FBRS: variants seen among roughly 807,000 people sequenced by gnomAD.
FBRS encodes probable fibrosin-1.
In FBRS, 15 loss-of-function variants were observed where a neutral mutation model predicts 86.1. The ratio of observed to expected loss-of-function variants is 0.17; its 90% CI spans 0.12 to 0.27. FBRS has a LOEUF of 0.27. Ranked by LOEUF, FBRS falls within the 10% of genes least tolerant of loss-of-function variation. FBRS has a pLI of 1.00. For missense variants in FBRS, 1,367 were observed against 1,301.6 expected (o/e 1.05, Z -0.77); for synonymous variants, 666 against 575.8 (o/e 1.16, Z -2.24).
rs1403489036 is a variant in FBRS at position 30,659,281 on chromosome 16, CG to C, written c.-237del. The C allele has an allele frequency of 1.1e-5, 2 of 176,266 alleles. No homozygotes were observed. Among genetic ancestry groups the C allele is most frequent in the Non-Finnish European group, 2.4e-5 (2 of 84,434 alleles). 10.9% of individuals were successfully genotyped at this position (176,266 alleles called of 1,614,324 possible). On this transcript the variant is annotated 5_prime_UTR_variant, in exon 1 of 18. Transcript: ENST00000356166. ...AAAGGGACGGCCGCCCCGTTTTCGC[CG>C]TCGCGGCCCCGCCGAGCCCGCAGGG...
chr16:30,668,647 A>G lies in FBRS; in HGVS notation c.2158+4A>G. The G allele has an allele frequency of 7.1e-7, 1 of 1,410,654 alleles. No homozygotes were observed. The highest frequency in any genetic ancestry group is 9.8e-7 in the Non-Finnish European group (1 of 1,020,032). The allele number at this position is 1,410,654 out of a possible 1,614,324, so 87.4% of individuals were successfully genotyped here. ...GGCCTGGGCAGCCCCACATTCAGTG[A>G]GTGCGGGTGCGGTGGGGTGGGGGGG... On this transcript the variant is annotated splice_donor_region_variant and intron_variant, in intron 16 of 17. Coordinates refer to ENST00000356166, the MANE Select transcript of FBRS (RefSeq NM_001105079.3).
rs1023349133 is a variant in FBRS, at chr16:30,660,095, G to A, written c.459+118G>A. On this transcript the variant is annotated intron_variant, in intron 1 of 17. Transcript: ENST00000356166. ...GCTGGCACCCCAAACCAGAGCAACCGGCTCCTCTGGCCAGGCCTCTGCCCC... is the reference window on the plus strand; with the variant it reads ...GCTGGCACCCCAAACCAGAGCAACCAGCTCCTCTGGCCAGGCCTCTGCCCC... 1.3e-4 allele frequency: 186 copies of A among 1,447,642 alleles called. 1 individual carries two copies. The highest frequency in any genetic ancestry group is 3.3e-4 in the Admixed American group (12 of 36,792). The allele number at this position is 1,447,642 out of a possible 1,614,324, so 89.7% of individuals were successfully genotyped here. A position where few individuals can be genotyped will look rare whatever the true frequency, so the allele number is the denominator to read the frequency against.
Position 30,665,260 on chromosome 16 carries a change from G to A in FBRS, c.1609-46G>A, listed in dbSNP as rs935556174. 8.8e-5 allele frequency: 135 copies of A among 1,539,992 alleles called. No homozygotes were observed. The highest frequency in any genetic ancestry group is 1.2e-4 in the Non-Finnish European group (132 of 1,137,970). ...GGACTGACGGGCAGGCTGGACTTGG[G>A]CTGCGCCTCCACCCCCACCTGTACT... On this transcript the variant is annotated intron_variant, in intron 9 of 17. Transcript: ENST00000356166. The surrounding 1 kb of genome is among the most constrained non-coding windows in gnomAD (Gnocchi z 4.1).
Position 30,660,361 on chromosome 16 carries a change from AG to A in FBRS, c.562del (p.Asp188ThrfsTer103). On this transcript the variant is annotated frameshift_variant, in exon 2 of 18. Coordinates refer to ENST00000356166, the MANE Select transcript of FBRS (RefSeq NM_001105079.3). LOFTEE classifies it high-confidence loss of function. The stretch of plus-strand genomic sequence containing the variant: ...GCTCCAGTGGGGCCACCGGGGAGCC[AG>A]GGGACAGCTCTGATCGAGAGCCTGG... ...GGSSGATGEPGDSSDREPGRP... is the reference protein window; with the variant it reads ...GGSSGATGEPXDSSDREPGRP... The A allele has an allele frequency of 1.6e-6, 2 of 1,286,152 alleles. No individual in the cohort carries two copies. The highest frequency in any genetic ancestry group is 2.8e-5 in the South Asian group (1 of 36,016). The allele number at this position is 1,286,152 out of a possible 1,614,324, so 79.7% of individuals were successfully genotyped here.
chr16:30,667,701 C>G, intron 15 of FBRS, 79 bp downstream of exon 15: 1 of 1,306,940 alleles, frequency 7.7e-7, no homozygotes, highest in South Asian at 1.6e-5. Flanking sequence ...CAGCAGGCAG[C>G]TGGAATGCAG....
At chr16:30,666,213 T>G in intron 11 of FBRS, 1 of 569,186 alleles carries the variant, frequency 1.8e-6, no homozygotes. Flanking sequence ...AACAGACCGC[T>G]ATACTCTAAA....
Position 30,665,156 on chromosome 16 carries a change from TG to T in FBRS, c.1608+81del. 6.4e-7 allele frequency: 1 copy of T among 1,562,762 alleles called. No homozygotes were observed. ...CATCCATGCTTGTGACCCTGACTGC[TG>T]GGGTCCAGTCTTCAGCACAAAAGCA... On this transcript the variant is annotated intron_variant, in intron 9 of 17. Coordinates refer to ENST00000356166, the MANE Select transcript of FBRS (RefSeq NM_001105079.3). The surrounding 1 kb of genome is among the most constrained non-coding windows in gnomAD (Gnocchi z 4.1).
Position 30,665,137 on chromosome 16 carries a change from T to C in FBRS, c.1608+58T>C. Reference sequence around the variant, plus strand: ...TGTGGTGTGGGCGTGGATGCATCCATGCTTGTGACCCTGACTGCTGGGGTC... The same window carrying C: ...TGTGGTGTGGGCGTGGATGCATCCACGCTTGTGACCCTGACTGCTGGGGTC... On this transcript the variant is annotated intron_variant, in intron 9 of 17. Transcript: ENST00000356166. This position sits in a 1 kb window ranked among gnomAD's most constrained non-coding sequence, Gnocchi z 4.1. 1 of 1,585,296 alleles carries C rather than the reference T, an allele frequency of 6.3e-7. No individual in the cohort carries two copies. The highest frequency in any genetic ancestry group is 1.1e-5 in the South Asian group (1 of 87,880).
chr16:30,667,246 A>C, intron 13 of FBRS, 74 bp from the exon 14 acceptor site: 1 of 1,261,618 alleles, frequency 7.9e-7, no homozygotes, highest in South Asian at 1.4e-5. Context: ...TTGGAGGGGA[A>C]CCACGGGTGA....
Position 30,669,294 on chromosome 16 carries a change from G to C in FBRS, c.2592G>C (p.Pro864=), listed in dbSNP as rs772938020. ...ACCTGCTGTTTGAGAGGCCCCGGCCGCCCCCGTTTCTGGGCCCTAGCCCAC... is the reference window on the plus strand; with the variant it reads ...ACCTGCTGTTTGAGAGGCCCCGGCCCCCCCCGTTTCTGGGCCCTAGCCCAC... ...GLHLLFERPR[P]PPFLGPSPPD... The change falls in exon 18 of 18, where the codon CCG becomes CCC. Residue 864 remains proline, a synonymous_variant. Coordinates refer to ENST00000356166, the MANE Select transcript of FBRS (RefSeq NM_001105079.3). This position sits in a 1 kb window ranked among gnomAD's most constrained non-coding sequence, Gnocchi z 5.9. The C allele has an allele frequency of 1.2e-5, 19 of 1,590,448 alleles. No individual in the cohort carries two copies. The East Asian group carries it at 4.4e-4, about 37-fold the overall frequency.
intron 6 of FBRS, chr16:30,663,169 C>T (rs1048573862): frequency 1.7e-5 from 5 of 295,474 alleles, no homozygotes; most frequent in Non-Finnish European, 2.4e-5. Flanking sequence ...TGGTTAAGAG[C>T]GCTGGCTTTG....
Position 30,660,243 on chromosome 16 carries a change from C to T in FBRS, c.460-20C>T, listed in dbSNP as rs762823647. On this transcript the variant is annotated intron_variant, in intron 1 of 17. Coordinates refer to ENST00000356166, the MANE Select transcript of FBRS (RefSeq NM_001105079.3). ...GCTTGCCCTTTTCCATCTATCTCAG[C>T]CCCACCTCCTCCTCCACAGAAGGAT... The T allele has an allele frequency of 1.2e-5, 16 of 1,333,600 alleles. No homozygotes were observed. The African/African-American group carries it at 1.8e-4, about 15-fold the overall frequency. 82.6% of individuals were successfully genotyped at this position (1,333,600 alleles called of 1,614,324 possible). A position where few individuals can be genotyped will look rare whatever the true frequency, so the allele number is the denominator to read the frequency against.
chr16:30,668,693 C>A, intron 16 of FBRS, 50 bp downstream of exon 16: 1 of 1,586,408 alleles, frequency 6.3e-7, no homozygotes, highest in South Asian at 1.1e-5. Flanking sequence ...AGGGTGAGAG[C>A]TCAGACGGTC....
rs1022388142 is a variant in FBRS, at chr16:30,664,404, C to A, written c.1245C>A (p.Pro415=). The A allele has an allele frequency of 2.2e-6, 3 of 1,370,282 alleles. No homozygotes were observed. The highest frequency in any genetic ancestry group is 2.0e-6 in the Non-Finnish European group (2 of 1,019,218). 84.9% of individuals were successfully genotyped at this position (1,370,282 alleles called of 1,614,324 possible). A position where few individuals can be genotyped will look rare whatever the true frequency, so the allele number is the denominator to read the frequency against. ...HSFPPPGLRP[P]PPPHHPSLFS... ...TTCCCCCTCCCGGGCTGCGGCCCCCCCCACCACCCCACCACCCCTCCTTGT... is the reference window on the plus strand; with the variant it reads ...TTCCCCCTCCCGGGCTGCGGCCCCCACCACCACCCCACCACCCCTCCTTGT... Residue 415 remains proline, a synonymous_variant, in exon 7 of 18, where the codon CCC becomes CCA. Coordinates refer to ENST00000356166, the MANE Select transcript of FBRS (RefSeq NM_001105079.3).
chr16:30,667,243 G>A (rs2052533784), intron 13 of FBRS, 77 bp from the exon 14 acceptor site: 8 of 1,246,424 alleles, frequency 6.4e-6, no homozygotes, highest in Non-Finnish European at 8.9e-6. Flanking sequence ...CCTTTGGAGG[G>A]GAACCACGGG....
intron 15 of FBRS, 33 bp from the exon 16 acceptor site, chr16:30,668,527 C>T (rs368128243): frequency 1.3e-6 from 2 of 1,592,786 alleles, no homozygotes; most frequent in Non-Finnish European, 1.7e-6. Context: ...ACCGGCTGCC[C>T]AGTGCTCTGA....
rs902490268 is a variant in FBRS, at chr16:30,659,278, C to G, written c.-241C>G. 5.7e-6 allele frequency: 1 copy of G among 174,854 alleles called. No homozygotes were observed. The highest frequency in any genetic ancestry group is 2.4e-5 in the African/African-American group (1 of 41,948). The allele number at this position is 174,854 out of a possible 1,614,324, so 10.8% of individuals were successfully genotyped here. A position where few individuals can be genotyped will look rare whatever the true frequency, so the allele number is the denominator to read the frequency against. ...CTTAAAGGGACGGCCGCCCCGTTTT[C>G]GCCGTCGCGGCCCCGCCGAGCCCGC... On this transcript the variant is annotated 5_prime_UTR_variant, in exon 1 of 18. Coordinates refer to ENST00000356166, the MANE Select transcript of FBRS (RefSeq NM_001105079.3).
rs368020065 is a variant in FBRS, at chr16:30,668,930, C to T, written c.2317C>T (p.Arg773Trp). ...CCGGACTCCAGGCTCAGACAAGGAGCGGCCTGTGGAGCGGAGGGAGCCCTC... is the reference window on the plus strand; with the variant it reads ...CCGGACTCCAGGCTCAGACAAGGAGTGGCCTGTGGAGCGGAGGGAGCCCTC... ...AARTPGSDKE[R>W]PVERREPSIT... Residue 773 changes from arginine (R) to tryptophan (W), a missense_variant, in exon 17 of 18, where the codon CGG (arginine) becomes TGG (tryptophan). Physicochemically the swap from Arg to Trp is moderately radical, Grantham distance 101. Around this residue, in one of 3 missense-constraint regions of FBRS, gnomAD observed 659 missense variants for 678.8 expected, o/e 0.97. Coordinates refer to ENST00000356166, the MANE Select transcript of FBRS (RefSeq NM_001105079.3). 138 of 1,590,608 alleles carry T rather than the reference C, an allele frequency of 8.7e-5. No individual in the cohort carries two copies. Among genetic ancestry groups the T allele is most frequent in the Non-Finnish European group, 1.1e-4 (125 of 1,171,380 alleles).
intron 1 of FBRS, 99 bp downstream of exon 1, chr16:30,660,076 A>G: frequency 6.8e-7 from 1 of 1,460,152 alleles, no homozygotes; most frequent in Non-Finnish European, 9.1e-7. Context: ...GAATGCTGGC[A>G]CCCCAAACCA....
Sources: gnomAD v4.1 joint callset for allele counts on GRCh38, gnomAD v4.1.1 for gene constraint, gnomAD v4.1.1 regional missense constraint, Gnocchi (gnomAD v3.1) non-coding constraint, MANE v1.5 for transcripts, NCBI Gene and HGNC (gene_info 2026-07-23, HGNC 2026-07-21) for gene names.